The following PKD1L3 variants were observed in gnomAD, a reference collection of about 807,000 sequenced individuals.
The protein encoded by PKD1L3 is polycystin 1 like 3, transient receptor potential channel interacting, also known as polycystin-1-like protein 3.
In PKD1L3, 239 loss-of-function variants were observed where a neutral mutation model predicts 184.1. That is an observed-to-expected ratio of 1.30 (90% CI 1.17 to 1.45). PKD1L3 has a LOEUF of 1.45. Ranked by LOEUF, PKD1L3 falls within the 40% of genes most tolerant of loss-of-function variation. PKD1L3 has a pLI of 0.00. For synonymous variants in PKD1L3, 996 were observed against 778.8 expected (o/e 1.28, Z -4.64); for missense variants, 2,660 against 2,067.2 (o/e 1.29, Z -5.56).
At position 71,967,905 on chromosome 16, in the gene PKD1L3, C is replaced by A; in HGVS notation, c.2286+1G>T. On this transcript the variant is annotated splice_donor_variant, in intron 14 of 29. Transcript: ENST00000620267. LOFTEE classifies it high-confidence loss of function. ...ATGTGAAAAACATTTATTTCATTAA[C>A]CTTAGCTGTTGTAGCAGCGCTTCTT... 6.5e-7 allele frequency: 1 copy of A among 1,547,378 alleles called. No individual in the cohort carries two copies. The highest frequency in any genetic ancestry group is 8.7e-7 in the Non-Finnish European group (1 of 1,143,316).
intron 12 of PKD1L3, among the ~76,000 whole-genome samples, chr16:71,972,270 A>G (rs939895143): frequency 1.1e-4 from 16 of 152,052 alleles, no homozygotes; most frequent in Admixed American, 5.9e-4. Flanking sequence ...GTGGTGGTGC[A>G]TGCCTGTAAT....
chr16:71,943,537 CAAAAA>C (rs10693124), intron 23 of PKD1L3, among the ~76,000 whole-genome samples: 1 of 84,542 alleles, frequency 1.2e-5, no homozygotes, highest in East Asian at 3.4e-4. Flanking sequence ...GACTCCGTCT[CAAAAA>C]AAAAAAAAAA....
intron 3 of PKD1L3, among the ~76,000 whole-genome samples, chr16:71,992,702 G>T (rs1332924337): frequency 6.6e-6 from 1 of 152,112 alleles, no homozygotes; most frequent in Non-Finnish European, 1.5e-5. Flanking sequence ...TATTTAAAGG[G>T]TTTGTTGATC....
chr16:71,974,677 G>A (rs532125763), intron 11 of PKD1L3, among the ~76,000 whole-genome samples: 2 of 152,296 alleles, frequency 1.3e-5, no homozygotes, highest in South Asian at 4.1e-4. Context: ...CAGTGAGCCT[G>A]TCTCAAAACA....
intron 15 of PKD1L3, among the ~76,000 whole-genome samples, chr16:71,964,381 C>CAGGCTGG (rs1269234080): frequency 8.7e-6 from 1 of 114,966 alleles, no homozygotes; most frequent in African/African-American, 3.4e-5. Flanking sequence ...CTCTCTTGCA[C>CAGGCTGG]AGGCTGGAGT....
chr16:71,950,344 G>C (rs1445553907), intron 19 of PKD1L3, 34 bp from the exon 20 acceptor site: 56 of 1,481,074 alleles, frequency 3.8e-5, no homozygotes, highest in Non-Finnish European at 5.0e-5. Flanking sequence ...ACTTTCACAA[G>C]TGGATTTCAA....
At chr16:71,955,448 A>T (rs962400737) in intron 16 of PKD1L3, among the ~76,000 whole-genome samples, 1 of 152,100 alleles carries the variant, frequency 6.6e-6, no homozygotes, top group Non-Finnish European at 1.5e-5. Flanking sequence ...AACAAACAAA[A>T]AAAGGGGTGT....
At position 71,999,736 on chromosome 16, in the gene PKD1L3, C is replaced by T; in HGVS notation, c.243G>A (p.Trp81Ter). The change falls in exon 1 of 30, where the codon TGG (tryptophan) becomes TGA (stop). Residue 81 changes from tryptophan to a stop codon, truncating the protein, a stop_gained. Coordinates refer to ENST00000620267, the MANE Select transcript of PKD1L3 (RefSeq NM_181536.2). LOFTEE classifies it high-confidence loss of function. ...TCAATGGCATTACATTTTGCCCAAT[C>T]CACCACTTCTTTCCTTCTTCCAGAT... ...RDYLEEGKKW[W>*]IGQNVMPLKK... The T allele has an allele frequency of 6.4e-7, 1 of 1,551,488 alleles. No homozygotes were observed. Among genetic ancestry groups the T allele is most frequent in the Non-Finnish European group, 8.7e-7 (1 of 1,146,826 alleles).
intron 2 of PKD1L3, among the ~76,000 whole-genome samples, chr16:71,994,703 T>C (rs775424459): frequency 3.9e-5 from 6 of 152,074 alleles, no homozygotes; most frequent in Non-Finnish European, 8.8e-5. Flanking sequence ...GGATTGCTTT[T>C]TACAATGTTA....
intron 28 of PKD1L3, chr16:71,930,918 C>T (rs1016087739): frequency 6.6e-6 from 1 of 152,154 alleles, no homozygotes; most frequent in Non-Finnish European, 1.5e-5. Flanking sequence ...TGATGGAAAT[C>T]TATATGGCAA....
chr16:71,980,134 C>A lies in PKD1L3; in HGVS notation c.1144G>T (p.Val382Leu). ...AAGGACATTTCCAGGATGTCTTCTA[C>A]CTGCATGGAAAGGAAAACAGTGTGT... ...WLESKRHTEP[V>L]EDILEMSLVE... Residue 382 changes from valine to leucine, a missense_variant and splice_region_variant, in exon 8 of 30, where the codon GTA becomes TTA. Coordinates refer to ENST00000620267, the MANE Select transcript of PKD1L3 (RefSeq NM_181536.2). The A allele has an allele frequency of 6.4e-7, 1 of 1,551,366 alleles. No homozygotes were observed. Among genetic ancestry groups the A allele is most frequent in the Non-Finnish European group, 8.7e-7 (1 of 1,146,758 alleles).
chr16:71,935,278 G>A (rs1351770613), intron 26 of PKD1L3, 80 bp downstream of exon 26: 2 of 1,386,530 alleles, frequency 1.4e-6, no homozygotes, highest in African/African-American at 2.9e-5. Context: ...TGGTAGGGGA[G>A]TTTGAAGAAT....
chr16:71,934,631 T>A (rs1259490901), intron 26 of PKD1L3, among the ~76,000 whole-genome samples: 1 of 152,140 alleles, frequency 6.6e-6, no homozygotes, highest in African/African-American at 2.4e-5. Context: ...GCTTAGCAAT[T>A]AGGTTTTGTT....
chr16:71,979,270 C>G (rs2040054694), intron 9 of PKD1L3, among the ~76,000 whole-genome samples: 1 of 152,064 alleles, frequency 6.6e-6, no homozygotes, highest in Admixed American at 6.6e-5. Context: ...ATGGCGAAAC[C>G]CCGCCTCTAC....
At chr16:71,936,213 T>C (rs2038170900) in intron 25 of PKD1L3, among the ~76,000 whole-genome samples, 1 of 151,534 alleles carries the variant, frequency 6.6e-6, no homozygotes, top group Non-Finnish European at 1.5e-5. Flanking sequence ...TCTTTTCTTT[T>C]TTTTTTTTTG....
Position 71,973,397 on chromosome 16 carries a change from G to C in PKD1L3, c.1880C>G (p.Ser627Trp), listed in dbSNP as rs777422869. 28 of 1,551,462 alleles carry C rather than the reference G, an allele frequency of 1.8e-5. No homozygotes were observed. The East Asian group carries it at 5.1e-4, about 28-fold the overall frequency. Residue 627 changes from serine to tryptophan, a missense_variant, in exon 12 of 30, where the codon TCG (serine) becomes TGG (tryptophan). Ser to Trp is a radical substitution (Grantham distance 177, BLOSUM62 -3). Transcript: ENST00000620267. ...EGAQQTPSLV[S>W]VITAVTQCYY... is the part of the protein sequence containing the mutation. Reference sequence around the variant, plus strand: ...ACACTGAGTGACGGCGGTGATGACCGAGACCAAGCTGGGTGTCTGCTGAGC... The same window carrying C: ...ACACTGAGTGACGGCGGTGATGACCCAGACCAAGCTGGGTGTCTGCTGAGC...
At chr16:71,948,716 C>T (rs537759683) in intron 21 of PKD1L3, among the ~76,000 whole-genome samples, 1 of 142,220 alleles carries the variant, frequency 7.0e-6, no homozygotes, top group East Asian at 2.1e-4. Context: ...TTTTATTGGA[C>T]TAGTGAAACT....
At chr16:71,995,256 T>G (rs114014157) in intron 2 of PKD1L3, among the ~76,000 whole-genome samples, 1,533 of 143,828 alleles carry the variant, frequency 0.011, 21 homozygotes, top group African/African-American at 0.041. Context: ...GGAGGAGCCC[T>G]GTAGGCCAAC....
intron 12 of PKD1L3, 38 bp from the exon 13 acceptor site, chr16:71,970,143 G>A: frequency 6.8e-7 from 1 of 1,473,642 alleles, no homozygotes. Context: ...TAGTCAGACA[G>A]AGTGCTAAGG....
Sources: allele counts gnomAD v4.1 joint callset (sites outside exome capture counted in the v4.1 genomes callset), GRCh38; gene constraint gnomAD v4.1.1; transcripts MANE v1.5; gene names NCBI Gene and HGNC (gene_info 2026-07-23, HGNC 2026-07-21).